The following ITPRID1 variants were observed in gnomAD, a reference collection of about 807,000 sequenced individuals.
ITPRID1 encodes the protein protein ITPRID1.
Under a neutral mutation model 95.4 loss-of-function variants are expected in ITPRID1, and 96 were observed. The observed-to-expected ratio is 1.01, with a 90% CI of 0.85 to 1.19. The LOEUF (loss-of-function observed/expected upper bound fraction) is 1.19. ITPRID1 is among the 50% of genes most tolerant of loss of function. The pLI is 0.00. For missense variants in ITPRID1, 1,339 were observed against 1,252.9 expected (o/e 1.07, Z -1.04); for synonymous variants, 510 against 453.6 (o/e 1.12, Z -1.58).
At chr7:31,537,173 G>T (rs867690162) in intron 1 of ITPRID1, among the ~76,000 whole-genome samples, 1 of 150,682 alleles carries the variant, frequency 6.6e-6, no homozygotes, top group African/African-American at 2.4e-5. Flanking sequence ...AGAGGAACTG[G>T]TCTCTTTACT....
chr7:31,648,663 CACT>C (rs372883141), intron 12 of ITPRID1, among the ~76,000 whole-genome samples: 1 of 152,154 alleles, frequency 6.6e-6, no homozygotes, highest in Non-Finnish European at 1.5e-5. Flanking sequence ...CCTATTTGAG[CACT>C]ACACTTCCAT....
rs1474591310 is a variant in ITPRID1, at chr7:31,569,921, G to A, written c.308+112G>A. ...ATATTGCCATAGCTCTTGGGATCTCGTGAAAGGTAACTGGTTTAGTCACAG... is the reference window on the plus strand; with the variant it reads ...ATATTGCCATAGCTCTTGGGATCTCATGAAAGGTAACTGGTTTAGTCACAG... On this transcript the variant is annotated intron_variant, in intron 6 of 14. Transcript: ENST00000615280. The A allele has an allele frequency of 4.3e-5, 35 of 807,070 alleles. No individual in the cohort carries two copies. The Middle Eastern group carries it at 7.1e-4, about 16-fold the overall frequency. 50.0% of individuals were successfully genotyped at this position (807,070 alleles called of 1,614,324 possible). A position where few individuals can be genotyped will look rare whatever the true frequency, so the allele number is the denominator to read the frequency against.
At chr7:31,520,544 TGTGTGTGTGTGTGTGTGTGTGA>T (rs1443495320) in intron 1 of ITPRID1, among the ~76,000 whole-genome samples, 71 of 73,166 alleles carry the variant, frequency 9.7e-4, no homozygotes, top group African/African-American at 4.6e-3. Context: ...TGTGTGTGTG[TGTGTGTGTGTGTGTGTGTGTGA>T]GAGAGAGAGA....
intron 3 of ITPRID1, 40 bp from the exon 4 acceptor site, chr7:31,554,435 T>G (rs1054215154): frequency 2.5e-6 from 4 of 1,602,238 alleles, no homozygotes; most frequent in Non-Finnish European, 3.4e-6. Flanking sequence ...TTTTAGCTGG[T>G]TGTGCTTTGA....
intron 10 of ITPRID1, among the ~76,000 whole-genome samples, chr7:31,609,819 T>C (rs1786786896): frequency 6.6e-6 from 1 of 151,380 alleles, no homozygotes; most frequent in African/African-American, 2.4e-5. Flanking sequence ...TTTTTTTTCA[T>C]TCTGCTTGCT....
chr7:31,643,554 T>C lies in ITPRID1; in HGVS notation c.2184T>C (p.Thr728=). The change falls in exon 12 of 15, where the codon ACT becomes ACC. Residue 728 remains threonine (T), a synonymous_variant. Coordinates refer to ENST00000615280, the MANE Select transcript of ITPRID1 (RefSeq NM_001257967.3). The part of the protein sequence containing the change: ...SAAQRAVALG[T]GPRGTSLECT... ...CTCAGAGGGCTGTGGCCTTGGGGACTGGTCCCAGAGGAACATCTTTAGAAT... is the reference window on the plus strand; with the variant it reads ...CTCAGAGGGCTGTGGCCTTGGGGACCGGTCCCAGAGGAACATCTTTAGAAT... 1.2e-6 allele frequency: 2 copies of C among 1,614,042 alleles called. No individual in the cohort carries two copies. Among genetic ancestry groups the C allele is most frequent in the South Asian group, 1.1e-5 (1 of 91,088 alleles).
chr7:31,629,277 A>G (rs551042326), intron 10 of ITPRID1, among the ~76,000 whole-genome samples: 1 of 44,860 alleles, frequency 2.2e-5, no homozygotes, highest in South Asian at 1.2e-3. Flanking sequence ...GTGTGTTTAA[A>G]CAACACAATC....
At chr7:31,527,977 C>T (rs998321861) in intron 1 of ITPRID1, among the ~76,000 whole-genome samples, 3 of 151,936 alleles carry the variant, frequency 2.0e-5, no homozygotes, top group African/African-American at 7.3e-5. Context: ...TTTCATGGAC[C>T]ACTATATATA....
intron 5 of ITPRID1, among the ~76,000 whole-genome samples, chr7:31,556,527 C>T (rs978870927): frequency 3.9e-5 from 6 of 151,966 alleles, no homozygotes; most frequent in Non-Finnish European, 8.8e-5. Context: ...TAATATCAGC[C>T]CCACTGCATG....
intron 10 of ITPRID1, among the ~76,000 whole-genome samples, chr7:31,585,862 A>C (rs1342141647): frequency 6.6e-6 from 1 of 151,964 alleles, no homozygotes; most frequent in Non-Finnish European, 1.5e-5. Flanking sequence ...TTATACTTTT[A>C]AGTTTTAGGG....
intron 10 of ITPRID1, among the ~76,000 whole-genome samples, chr7:31,617,371 C>A (rs181268618): frequency 2.4e-4 from 36 of 152,188 alleles, no homozygotes; most frequent in Admixed American, 9.2e-4. Flanking sequence ...AGGTATCATA[C>A]CTCTATGTAG....
rs1445618162 is a variant in ITPRID1 at position 31,642,708 on chromosome 7, T to C, written c.1338T>C (p.Ser446=). The C allele has an allele frequency of 3.7e-6, 6 of 1,613,836 alleles. No individual in the cohort carries two copies. The highest frequency in any genetic ancestry group is 4.2e-6 in the Non-Finnish European group (5 of 1,179,826). The change falls in exon 12 of 15, where the codon AGT becomes AGC. Residue 446 remains serine, a synonymous_variant. Transcript: ENST00000615280. The part of the protein sequence containing the change: ...LQMPSLPNSQ[S]PAENGGRKPR... ...TGCCTTCCTTGCCAAACAGCCAGAG[T>C]CCTGCTGAGAATGGAGGTAGAAAGC...
chr7:31,636,906 C>A (rs1789543159), intron 10 of ITPRID1, among the ~76,000 whole-genome samples: 1 of 116,412 alleles, frequency 8.6e-6, no homozygotes, highest in Admixed American at 1.2e-4. Context: ...CGACAACAGT[C>A]CCTGGTGTGT....
intron 1 of ITPRID1, among the ~76,000 whole-genome samples, chr7:31,519,620 C>CTCTATATATATATATATATATATATATA: frequency 4.0e-5 from 1 of 25,254 alleles, no homozygotes; most frequent in Non-Finnish European, 7.3e-5. Context: ...CTCTCTCTCT[C>CTCTATATATATATATATATATATATATA]TATATATATA....
At chr7:31,617,261 A>AT (rs1787335347) in intron 10 of ITPRID1, among the ~76,000 whole-genome samples, 5 of 44,172 alleles carry the variant, frequency 1.1e-4, no homozygotes, top group South Asian at 2.4e-3. Context: ...GATAACAACA[A>AT]TTTAACTTTG....
At chr7:31,593,893 T>C (rs1480549006) in intron 10 of ITPRID1, among the ~76,000 whole-genome samples, 1 of 152,154 alleles carries the variant, frequency 6.6e-6, no homozygotes, top group Non-Finnish European at 1.5e-5. Flanking sequence ...TAATTTAATA[T>C]GTGTTCATAT....
In ITPRID1 at chr7:31,628,520, C is replaced by T. The variant is rs563966088; in HGVS notation, c.1229-13656C>T. On this transcript the variant is annotated intron_variant, in intron 10 of 14. Transcript: ENST00000615280. ...TCACTCGGGATGGAGTACAGTGGCG[C>T]GACCTCAGCTCACTGCAAGCTCTGC... Among the ~76,000 whole-genome samples the T allele has an allele frequency of 1.2e-3, 176 of 151,064 alleles. 1 individual carries two copies. Among genetic ancestry groups the T allele is most frequent in the Non-Finnish European group, 1.8e-3 (124 of 67,876 alleles).
At chr7:31,658,294 G>T, downstream of ITPRID1, 2 of 1,499,488 alleles carry the variant, frequency 1.3e-6, no homozygotes, top group Non-Finnish European at 8.8e-7. Flanking sequence ...TGCAGAGCTG[G>T]ATCCCTTTTT....
intron 10 of ITPRID1, among the ~76,000 whole-genome samples, chr7:31,641,681 C>G (rs2041366): frequency 0.72 from 109,198 of 152,052 alleles, 39,866 homozygotes; most frequent in East Asian, 0.83. Context: ...GTGGCAAGAG[C>G]AGTGATCTAA....
Sources: allele counts gnomAD v4.1 joint callset (sites outside exome capture counted in the v4.1 genomes callset), GRCh38; gene constraint gnomAD v4.1.1; transcripts MANE v1.5; gene names NCBI Gene and HGNC (gene_info 2026-07-23, HGNC 2026-07-21).